Variants in RBM19 observed in about 807,000 individuals in gnomAD.
RBM19 encodes RNA binding motif protein 19.
RBM19 carries 94 observed loss-of-function variants against 116.8 expected under a neutral mutation model. That is an observed-to-expected ratio of 0.80 (90% CI 0.68 to 0.95). RBM19 has a LOEUF of 0.95. RBM19 is among the 40% of genes least tolerant of loss of function. The probability of loss-of-function intolerance (pLI) is 0.00; values close to 1 mark genes in which losing one functional copy is unlikely to be tolerated. For missense variants in RBM19, 1,161 were observed against 1,220.7 expected, an observed-to-expected ratio of 0.95 and a Z score of 0.73; for synonymous variants, 475 against 494.1, an observed-to-expected ratio of 0.96 and a Z score of 0.51.
Position 113,949,967 on chromosome 12 carries a change from CAG to C in RBM19, c.1072+114_1072+115del, listed in dbSNP as rs1593639857. The C allele has an allele frequency of 7.4e-6, 7 of 951,766 alleles. No individual in the cohort carries two copies. The East Asian group carries it at 9.7e-5, about 13-fold the overall frequency. 59.0% of individuals were successfully genotyped at this position (951,766 alleles called of 1,614,324 possible). On this transcript the variant is annotated intron_variant, in intron 9 of 23. Coordinates refer to ENST00000261741, the MANE Select transcript of RBM19 (RefSeq NM_016196.4). Reference sequence around the variant, plus strand: ...TCCCCAGTGCCTAGAACAGTGTCTGCAGAGACACTGCATTCTTGGTGGTGGTG... The same window carrying C: ...TCCCCAGTGCCTAGAACAGTGTCTGCAGACACTGCATTCTTGGTGGTGGTG...
intron 22 of RBM19, among the ~76,000 whole-genome samples, chr12:113,856,663 G>A (rs954989072): frequency 1.3e-5 from 2 of 152,178 alleles, no homozygotes; most frequent in Non-Finnish European, 1.5e-5. Flanking sequence ...GACATCACAA[G>A]AGGCCCAGTG....
chr12:113,839,210 C>T (rs555077624), intron 23 of RBM19, among the ~76,000 whole-genome samples: 5 of 152,344 alleles, frequency 3.3e-5, no homozygotes, highest in African/African-American at 1.2e-4. Context: ...TGCGGATTTT[C>T]ACACAAATGA....
intron 21 of RBM19, among the ~76,000 whole-genome samples, chr12:113,913,406 G>C (rs1438772205): frequency 6.6e-6 from 1 of 152,160 alleles, no homozygotes; most frequent in Non-Finnish European, 1.5e-5. Context: ...CATCTCGCCA[G>C]GCTATTCCTG....
chr12:113,932,871 G>A (rs1869728355), intron 16 of RBM19: 1 of 152,196 alleles, frequency 6.6e-6, no homozygotes, highest in African/African-American at 2.4e-5. Context: ...GGCTGGAGGG[G>A]GTTGGGAGAG....
At chr12:113,955,302 A>G (rs1871833377) in intron 6 of RBM19, 91 bp from the exon 7 acceptor site, 1 of 1,268,706 alleles carries the variant, frequency 7.9e-7, no homozygotes. Context: ...AGTGCCAGAG[A>G]AGGTGCCTGC....
chr12:113,857,939 A>G (rs2135739698), intron 22 of RBM19, among the ~76,000 whole-genome samples: 1 of 152,054 alleles, frequency 6.6e-6, no homozygotes, highest in East Asian at 1.9e-4. Context: ...CATTAATGAG[A>G]CCTCCCTGTC....
At position 113,825,127 on chromosome 12, in the gene RBM19, C is replaced by T. The variant is rs1874746006; in HGVS notation, c.2786-1806G>A. Among the ~76,000 whole-genome samples the T allele has an allele frequency of 1.3e-5, 2 of 152,244 alleles. No homozygotes were observed. On this transcript the variant is annotated intron_variant, in intron 23 of 23. Coordinates refer to ENST00000261741, the MANE Select transcript of RBM19 (RefSeq NM_016196.4). This position sits in a 1 kb window ranked among gnomAD's most constrained non-coding sequence, Gnocchi z 5.7. The stretch of plus-strand genomic sequence containing the variant: ...CACTGCTGTGTCCCTGGCCTTAGCA[C>T]ACTGCCTGGTGCCTAGCAAGTGCTT...
chr12:113,864,037 A>G (rs1357865425), intron 21 of RBM19, among the ~76,000 whole-genome samples: 1 of 152,120 alleles, frequency 6.6e-6, no homozygotes, highest in Non-Finnish European at 1.5e-5. Context: ...TAGATGGAGA[A>G]AACTGAGGCT....
chr12:113,943,829 G>A (rs1017821440), intron 13 of RBM19, among the ~76,000 whole-genome samples: 4 of 152,030 alleles, frequency 2.6e-5, no homozygotes, highest in African/African-American at 7.3e-5. Context: ...GTCTCAGGAG[G>A]GAGGGAAAAT....
intron 23 of RBM19, among the ~76,000 whole-genome samples, chr12:113,830,312 G>C (rs745856811): frequency 8.5e-5 from 13 of 152,308 alleles, no homozygotes; most frequent in Non-Finnish European, 1.8e-4. Flanking sequence ...ACCTCCAGAG[G>C]TTCTGATGCA....
chr12:113,857,704 C>T (rs907927143), intron 22 of RBM19, among the ~76,000 whole-genome samples: 2 of 152,224 alleles, frequency 1.3e-5, no homozygotes, highest in African/African-American at 4.8e-5. Context: ...AGGTGGCTGG[C>T]GAGGCTCTCC....
chr12:113,836,410 G>C (rs940229635), intron 23 of RBM19, among the ~76,000 whole-genome samples: 1 of 152,102 alleles, frequency 6.6e-6, no homozygotes, highest in African/African-American at 2.4e-5. Context: ...AATTTGACAG[G>C]TGTTTTGCAA....
chr12:113,905,175 C>G (rs563155280), intron 21 of RBM19, among the ~76,000 whole-genome samples: 1 of 152,166 alleles, frequency 6.6e-6, no homozygotes, highest in Non-Finnish European at 1.5e-5. Context: ...CAGGCAATCA[C>G]GAGAAAGAAC....
In RBM19 at chr12:113,900,656, G is replaced by A. The variant is rs553069325; in HGVS notation, c.2558+14313C>T. Among the ~76,000 whole-genome samples the A allele has an allele frequency of 1.5e-4, 23 of 152,240 alleles. No homozygotes were observed. In the South Asian group the frequency reaches 3.7e-3, roughly 25 times the overall value. On this transcript the variant is annotated intron_variant, in intron 21 of 23. Transcript: ENST00000261741. The stretch of plus-strand genomic sequence containing the variant: ...TTTCCACGTGGAAAATCACACTGGC[G>A]CCTTTCCAAGCTGACAGCCAACTCC...
At chr12:113,959,743 CCCTCTCCAG>C in intron 4 of RBM19, 113 bp downstream of exon 4, 1 of 1,227,290 alleles carries the variant, frequency 8.1e-7, no homozygotes, top group Non-Finnish European at 1.2e-6. Flanking sequence ...CTAGCCTCCA[CCCTCTCCAG>C]CCTCTACGGT....
intron 16 of RBM19, among the ~76,000 whole-genome samples, chr12:113,928,172 A>T (rs925982910): frequency 2.6e-5 from 4 of 152,130 alleles, no homozygotes; most frequent in Admixed American, 2.6e-4. Context: ...CCTTGTCTCC[A>T]CTAAAAACAC....
Position 113,940,140 on chromosome 12 carries a change from C to A in RBM19, c.1758G>T (p.Lys586Asn). ...SFSQAAAERS[K>N]TVILVKNLPA... is the part of the protein sequence containing the mutation. ...GGAGGTTCTTGACCAGAATCACAGT[C>A]TTGCTTCGCTCTGCTGCAGCCTGCA... Residue 586 changes from lysine to asparagine, a missense_variant, in exon 15 of 24, where the codon AAG (lysine) becomes AAT (asparagine). By Grantham distance (94) the Lys-to-Asn change is moderately conservative. Transcript: ENST00000261741. 6.2e-7 allele frequency: 1 copy of A among 1,613,886 alleles called. No homozygotes were observed. Among genetic ancestry groups the A allele is most frequent in the Non-Finnish European group, 8.5e-7 (1 of 1,179,902 alleles).
At chr12:113,849,270 G>C (rs143521583) in intron 22 of RBM19, among the ~76,000 whole-genome samples, 21 of 152,366 alleles carry the variant, frequency 1.4e-4, no homozygotes, top group African/African-American at 5.0e-4. Context: ...CCATGCTTAA[G>C]ATCCTCAGCC....
intron 12 of RBM19, 92 bp downstream of exon 12, chr12:113,946,262 G>C: frequency 6.4e-7 from 1 of 1,561,458 alleles, no homozygotes; most frequent in Admixed American, 1.7e-5. Flanking sequence ...AAACCCATCA[G>C]GAGTCAGAAG....
Sources: gnomAD v4.1 joint callset for allele counts (sites outside exome capture counted in the v4.1 genomes callset) on GRCh38, gnomAD v4.1.1 for gene constraint, Gnocchi (gnomAD v3.1) non-coding constraint, MANE v1.5 for transcripts, NCBI Gene and HGNC (gene_info 2026-07-23, HGNC 2026-07-21) for gene names.